SPC24: variants seen among roughly 807,000 people sequenced by gnomAD.
SPC24 encodes the protein SPC24 component of NDC80 kinetochore complex, also known as kinetochore protein Spc24.
SPC24 carries 31 observed loss-of-function variants against 27.6 expected under a neutral mutation model. The observed-to-expected ratio is 1.12, with a 90% confidence interval of 0.84 to 1.52. SPC24 has a LOEUF of 1.52. Ranked by LOEUF, SPC24 falls within the 40% of genes most tolerant of loss-of-function variation. The probability of loss-of-function intolerance (pLI) is 0.00; values close to 1 mark genes in which losing one functional copy is unlikely to be tolerated. For synonymous variants in SPC24, 105 were observed against 105.8 expected (o/e 0.99, Z 0.05); for missense variants, 284 against 252.5 (o/e 1.12, Z -0.84).
chr19:11,155,491 C>T lies in SPC24; in HGVS notation c.160+126G>A. On this transcript the variant is annotated intron_variant, in intron 1 of 4. Coordinates refer to ENST00000592540, the MANE Select transcript of SPC24 (RefSeq NM_182513.4). The stretch of plus-strand genomic sequence containing the variant: ...AAACTAAGGCTCAGAGGGGGCCGTC[C>T]CAGGGGGCATAGGGCAGGAGATGGG... 3 of 1,170,578 alleles carry T rather than the reference C, an allele frequency of 2.6e-6. No homozygotes were observed. In the South Asian group the frequency reaches 4.9e-5, roughly 19 times the overall value. 72.5% of individuals were successfully genotyped at this position (1,170,578 alleles called of 1,614,324 possible).
At position 11,146,375 on chromosome 19, in the gene SPC24, G is replaced by A. The variant is rs772079216; in HGVS notation, c.*808C>T. The A allele has an allele frequency of 2.7e-5, 4 of 148,368 alleles. No individual in the cohort carries two copies. Among genetic ancestry groups the A allele is most frequent in the Non-Finnish European group, 3.0e-5 (2 of 67,542 alleles). 9.2% of individuals were successfully genotyped at this position (148,368 alleles called of 1,614,324 possible). A position where few individuals can be genotyped will look rare whatever the true frequency, so the allele number is the denominator to read the frequency against. On this transcript the variant is annotated 3_prime_UTR_variant, in exon 5 of 5. Transcript: ENST00000592540. ...TCCCGTCACAGATGTGAAACTGCAG[G>A]CCTGGCATAGATAAGTCGACTCCCG...
rs1020198843 is a variant in SPC24, at chr19:11,151,760, C to T, written c.161-2522G>A. On this transcript the variant is annotated intron_variant, in intron 1 of 4. Coordinates refer to ENST00000592540, the MANE Select transcript of SPC24 (RefSeq NM_182513.4). ...GAGTAGCTGGGATTACAGGCACCCA[C>T]CACCACGCCTGGCTAATTTTTATAT... is the stretch of plus-strand genomic sequence containing the variant. 2.0e-5 allele frequency among the ~76,000 whole-genome samples: 3 copies of T among 151,976 alleles called. No homozygotes were observed. In the South Asian group the frequency reaches 6.2e-4, roughly 32 times the overall value.
chr19:11,155,749 C>T lies in SPC24; in HGVS notation c.28G>A (p.Val10Met). 6.4e-7 allele frequency: 1 copy of T among 1,574,748 alleles called. No homozygotes were observed. The highest frequency in any genetic ancestry group is 8.6e-7 in the Non-Finnish European group (1 of 1,168,482). The change falls in exon 1 of 5, where the codon GTG (valine) becomes ATG (methionine). Residue 10 changes from valine to methionine, a missense_variant. By Grantham distance (21) the Val-to-Met change is conservative (BLOSUM62 1). Transcript: ENST00000592540. ...AGCAGGCTGAGCAGCCCCTGGCTCA[C>T]CTCCTCTATGTCGCGGAAGGCGGCC... MAAFRDIEE[V>M]SQGLLSLLGA...
rs141450426 is a variant in SPC24, at chr19:11,153,457, A to T, written c.160+2160T>A. On this transcript the variant is annotated intron_variant, in intron 1 of 4. Coordinates refer to ENST00000592540, the MANE Select transcript of SPC24 (RefSeq NM_182513.4). ...GAGCGAGACTCCATATCAAAAAAAT[A>T]AAAAAAAGAAAATAGAGTCTTGGGC... is the stretch of plus-strand genomic sequence containing the variant. Among the ~76,000 whole-genome samples, 454 of 151,630 alleles carry T rather than the reference A, an allele frequency of 3.0e-3. 1 individual carries two copies. Among genetic ancestry groups the T allele is most frequent in the African/African-American group, 0.01 (424 of 41,286 alleles).
At position 11,147,149 on chromosome 19, in the gene SPC24, C is replaced by T. The variant is rs779141076; in HGVS notation, c.*34G>A. 41 of 1,393,154 alleles carry T rather than the reference C, an allele frequency of 2.9e-5. No homozygotes were observed. Among genetic ancestry groups the T allele is most frequent in the Middle Eastern group, 1.8e-4 (1 of 5,650 alleles). The allele number at this position is 1,393,154 out of a possible 1,614,324, so 86.3% of individuals were successfully genotyped here. On this transcript the variant is annotated 3_prime_UTR_variant, in exon 5 of 5. Transcript: ENST00000592540. The stretch of plus-strand genomic sequence containing the variant: ...AATGGATCTGACCACGGCAGATGCC[C>T]GCTGGGTGCAAGACGCAGCCACGAG...
intron 1 of SPC24, among the ~76,000 whole-genome samples, chr19:11,151,578 A>G (rs1418073683): frequency 6.7e-6 from 1 of 149,300 alleles, no homozygotes; most frequent in African/African-American, 2.5e-5. Context: ...AGGTGCTCCT[A>G]CCTGACATAT....
In SPC24 at chr19:11,155,530, G is replaced by A. The variant is rs1027052052; in HGVS notation, c.160+87C>T. On this transcript the variant is annotated intron_variant, in intron 1 of 4. Transcript: ENST00000592540. ...GCAGGAGATGGGAGAGTCCAGGAGAGAAGGGGTTTTGAGGTGGGCCTGGTC... is the reference window on the plus strand; with the variant it reads ...GCAGGAGATGGGAGAGTCCAGGAGAAAAGGGGTTTTGAGGTGGGCCTGGTC... 18 of 1,426,040 alleles carry A rather than the reference G, an allele frequency of 1.3e-5. No homozygotes were observed. In the South Asian group the frequency reaches 2.2e-4, roughly 17 times the overall value. The allele number at this position is 1,426,040 out of a possible 1,614,324, so 88.3% of individuals were successfully genotyped here.
At chr19:11,150,773 CAGAG>C (rs1030472058) in intron 1 of SPC24, among the ~76,000 whole-genome samples, 1 of 152,076 alleles carries the variant, frequency 6.6e-6, no homozygotes, top group Non-Finnish European at 1.5e-5. Context: ...GCCTGGGTGA[CAGAG>C]AGAGACCCTT....
Position 11,151,767 on chromosome 19 carries a change from G to A in SPC24, c.161-2529C>T, listed in dbSNP as rs1030539150. ...TGGGATTACAGGCACCCACCACCAC[G>A]CCTGGCTAATTTTTATATTTTTACC... On this transcript the variant is annotated intron_variant, in intron 1 of 4. Transcript: ENST00000592540. Among the ~76,000 whole-genome samples the A allele has an allele frequency of 5.9e-5, 9 of 151,718 alleles. No homozygotes were observed. The South Asian group carries it at 1.2e-3, about 21-fold the overall frequency.
Position 11,147,906 on chromosome 19 carries a change from GACA to G in SPC24, c.411-15_411-13del. ...GTTGAGCCACGTACCTGTACAGGAAGACAAAAAAAAAAAAAAAAAAAAAAGAAA... is the reference window on the plus strand; with the variant it reads ...GTTGAGCCACGTACCTGTACAGGAAGAAAAAAAAAAAAAAAAAAAAAGAAA... On this transcript the variant is annotated splice_polypyrimidine_tract_variant and intron_variant, in intron 3 of 4. Transcript: ENST00000592540. The G allele has an allele frequency of 8.5e-6, 8 of 939,334 alleles. No individual in the cohort carries two copies. Among genetic ancestry groups the G allele is most frequent in the Admixed American group, 8.2e-5 (2 of 24,266 alleles). 58.2% of individuals were successfully genotyped at this position (939,334 alleles called of 1,614,324 possible).
At chr19:11,147,723 C>T in intron 4 of SPC24, 95 bp downstream of exon 4, 1 of 1,156,420 alleles carries the variant, frequency 8.6e-7, no homozygotes, top group Non-Finnish European at 1.2e-6. Flanking sequence ...TGCACGCCAC[C>T]ACACCCGGCT....
chr19:11,149,088 G>A lies in SPC24; in HGVS notation c.305+6C>T. ...GCAAGGCTGATCCCCTAGCAGAAAA[G>A]GATATAGGAGGCTGGCCTTCAGACG... On this transcript the variant is annotated splice_donor_region_variant and intron_variant, in intron 2 of 4. Transcript: ENST00000592540. 1.1e-5 allele frequency: 16 copies of A among 1,518,094 alleles called. No homozygotes were observed. The highest frequency in any genetic ancestry group is 2.2e-5 in the Admixed American group (1 of 44,650). 94.0% of individuals were successfully genotyped at this position (1,518,094 alleles called of 1,614,324 possible).
chr19:11,147,871 T>G lies in SPC24; in HGVS notation c.434A>C (p.Gln145Pro). 1 of 1,598,134 alleles carries G rather than the reference T, an allele frequency of 6.3e-7. No homozygotes were observed. Among genetic ancestry groups the G allele is most frequent in the Non-Finnish European group, 8.5e-7 (1 of 1,175,158 alleles). Residue 145 changes from glutamine to proline, a missense_variant, in exon 4 of 5, where the codon CAA becomes CCA. Transcript: ENST00000592540. ...SAVYVAQLYH[Q>P]VSKIEWDYEC... The stretch of plus-strand genomic sequence containing the variant: ...ATAATCCCACTCAATTTTACTAACT[T>G]GGTGGTAAAGTTGAGCCACGTACCT...
intron 2 of SPC24, among the ~76,000 whole-genome samples, chr19:11,148,891 C>T (rs2077849555): frequency 1.3e-5 from 2 of 152,170 alleles, no homozygotes; most frequent in Admixed American, 1.3e-4. Context: ...GCTAGGATTA[C>T]AGGCGTGAGC....
At chr19:11,153,966 C>T (rs1473834159) in intron 1 of SPC24, among the ~76,000 whole-genome samples, 1 of 150,626 alleles carries the variant, frequency 6.6e-6, no homozygotes, top group Non-Finnish European at 1.5e-5. Context: ...CCCAGCTACT[C>T]GGGAGGCTGA....
intron 1 of SPC24, among the ~76,000 whole-genome samples, chr19:11,150,526 G>C (rs915842923): frequency 2.0e-5 from 3 of 151,978 alleles, no homozygotes; most frequent in African/African-American, 7.2e-5. Context: ...GCTGGGCACA[G>C]TGGCTCATGC....
Position 11,146,130 on chromosome 19 carries a change from T to A in SPC24, c.*1053A>T, listed in dbSNP as rs2077821364. 1 of 152,130 alleles carries A rather than the reference T, an allele frequency of 6.6e-6. No individual in the cohort carries two copies. The highest frequency in any genetic ancestry group is 2.1e-4 in the South Asian group (1 of 4,824). 9.4% of individuals were successfully genotyped at this position (152,130 alleles called of 1,614,324 possible). A position where few individuals can be genotyped will look rare whatever the true frequency, so the allele number is the denominator to read the frequency against. ...CCTGCACACTCTGGTGTGGCTCCTG[T>A]CGCAATCTGGACCTCTCTCCAGTTC... On this transcript the variant is annotated 3_prime_UTR_variant, in exon 5 of 5. Transcript: ENST00000592540.
chr19:11,149,246 G>A lies in SPC24; in HGVS notation c.161-8C>T. Reference sequence around the variant, plus strand: ...TCTCCATGGTGAGGATCTCTGCAGGGTGGAGAGAAGCAGGCTCCCTAGGGT... The same window carrying A: ...TCTCCATGGTGAGGATCTCTGCAGGATGGAGAGAAGCAGGCTCCCTAGGGT... On this transcript the variant is annotated splice_polypyrimidine_tract_variant and splice_region_variant and intron_variant, in intron 1 of 4. Transcript: ENST00000592540. The A allele has an allele frequency of 6.6e-7, 1 of 1,518,144 alleles. No individual in the cohort carries two copies. 94.0% of individuals were successfully genotyped at this position (1,518,144 alleles called of 1,614,324 possible). A position where few individuals can be genotyped will look rare whatever the true frequency, so the allele number is the denominator to read the frequency against.
At position 11,155,619 on chromosome 19, in the gene SPC24, C is replaced by A. The variant is rs1357510921; in HGVS notation, c.158G>T (p.Arg53Leu). The change falls in exon 1 of 5, where the codon CGA becomes CTA. Residue 53 changes from arginine (R) to leucine (L), a missense_variant and splice_region_variant. Transcript: ENST00000592540. ...CGCGACCACGCTCCGACCCTCACCT[C>A]GCAGCTGCTTCTCGGCACCGTCTTG... ...ETQDGAEKQL[R>L]EILTMEKEVA... 9.7e-6 allele frequency: 15 copies of A among 1,542,818 alleles called. No homozygotes were observed. The highest frequency in any genetic ancestry group is 1.3e-5 in the Non-Finnish European group (15 of 1,150,044).
Sources: gnomAD v4.1 joint callset for allele counts (sites outside exome capture counted in the v4.1 genomes callset) on GRCh38, gnomAD v4.1.1 for gene constraint, MANE v1.5 for transcripts, NCBI Gene and HGNC (gene_info 2026-07-23, HGNC 2026-07-21) for gene names.